The following PIEZO2 variants were observed in gnomAD, a reference collection of about 807,000 sequenced individuals.
PIEZO2 encodes piezo type mechanosensitive ion channel component 2.
In PIEZO2, 172 loss-of-function variants were observed where a neutral mutation model predicts 337.3. That is an observed-to-expected ratio of 0.51 (90% CI 0.45 to 0.58). The LOEUF is 0.58. Among genes scored for constraint, PIEZO2 ranks in the 20% least tolerant of loss-of-function variants. The pLI is 0.00. For missense variants in PIEZO2, 3,028 were observed against 3,391.3 expected, an observed-to-expected ratio of 0.89 and a Z score of 2.66; for synonymous variants, 1,251 against 1,228.5, an observed-to-expected ratio of 1.02 and a Z score of -0.38.
At chr18:10,789,441 A>T in intron 14 of PIEZO2, 76 bp from the exon 15 acceptor site, 1 of 1,408,328 alleles carries the variant, frequency 7.1e-7, no homozygotes, top group Non-Finnish European at 9.3e-7. Context: ...TGATAGGTAT[A>T]GGATGTAGAG....
chr18:10,836,830 C>G (rs572583024), intron 7 of PIEZO2, among the ~76,000 whole-genome samples: 1 of 152,166 alleles, frequency 6.6e-6, no homozygotes, highest in Non-Finnish European at 1.5e-5. Context: ...GAGGTAATAT[C>G]TGCACAGGTT....
At position 10,969,383 on chromosome 18, in the gene PIEZO2, TG is replaced by T. The variant is rs35208501; in HGVS notation, c.286+10151del. ...TTACAGCAAGGACTGGTCGGCATGG[TG>T]GGGAGCAGACGGGCGTGAGGATCAT... On this transcript the variant is annotated intron_variant, in intron 3 of 55. Coordinates refer to ENST00000674853, the MANE Select transcript of PIEZO2 (RefSeq NM_001378183.1). This position sits in a 1 kb window ranked among gnomAD's most constrained non-coding sequence, Gnocchi z 4.5. Among the ~76,000 whole-genome samples the T allele has an allele frequency of 0.15, 23,039 of 151,994 alleles. 1,790 individuals carry two copies. Among genetic ancestry groups the T allele is most frequent in the Middle Eastern group, 0.27 (80 of 292 alleles).
At chr18:10,998,697 T>C (rs1438298400) in intron 2 of PIEZO2, among the ~76,000 whole-genome samples, 1 of 152,056 alleles carries the variant, frequency 6.6e-6, no homozygotes, top group Non-Finnish European at 1.5e-5. Flanking sequence ...TATACACTTA[T>C]ATACTATTTT....
chr18:10,914,640 G>A (rs188562374), intron 3 of PIEZO2, among the ~76,000 whole-genome samples: 71 of 152,208 alleles, frequency 4.7e-4, no homozygotes, highest in African/African-American at 1.6e-3. Context: ...ATTTGTTGGT[G>A]CAGAACCCAT....
intron 2 of PIEZO2, among the ~76,000 whole-genome samples, chr18:11,023,200 C>G (rs531214730): frequency 6.6e-6 from 1 of 152,234 alleles, no homozygotes; most frequent in Admixed American, 6.5e-5. Flanking sequence ...ACTGCTGGCT[C>G]GGGCAGCCTG....
chr18:10,788,420 AAG>A (rs1347046905), intron 15 of PIEZO2, among the ~76,000 whole-genome samples: 45 of 127,952 alleles, frequency 3.5e-4, no homozygotes, highest in African/African-American at 1.1e-3. Flanking sequence ...AAAAAAAAAA[AAG>A]AAAGAAAGGA....
In PIEZO2 at chr18:10,850,567, A is replaced by G. The variant is rs1307388111; in HGVS notation, c.917+4786T>C. 6.6e-6 allele frequency among the ~76,000 whole-genome samples: 1 copy of G among 152,212 alleles called. No homozygotes were observed. The highest frequency in any genetic ancestry group is 1.9e-4 in the East Asian group (1 of 5,196). ...TTCATGAGAACAAAAATGAGAAATCATCTACGTGGTTAAAACTCAGGGGTT... is the reference window on the plus strand; with the variant it reads ...TTCATGAGAACAAAAATGAGAAATCGTCTACGTGGTTAAAACTCAGGGGTT... On this transcript the variant is annotated intron_variant, in intron 7 of 55. Coordinates refer to ENST00000674853, the MANE Select transcript of PIEZO2 (RefSeq NM_001378183.1). This position sits in a 1 kb window ranked among gnomAD's most constrained non-coding sequence, Gnocchi z 4.5.
rs1598402354 is a variant in PIEZO2 at position 10,724,083 on chromosome 18, C to A, written c.5030-5824G>T. On this transcript the variant is annotated intron_variant, in intron 36 of 55. Coordinates refer to ENST00000674853, the MANE Select transcript of PIEZO2 (RefSeq NM_001378183.1). This position sits in a 1 kb window ranked among gnomAD's most constrained non-coding sequence, Gnocchi z 5.8. ...GCTGTGGCTGCACTGTACCACCTCC[C>A]AGATTAAGTGAGTGCTGAGCACAGA... 1.3e-5 allele frequency among the ~76,000 whole-genome samples: 2 copies of A among 152,142 alleles called. No homozygotes were observed. The highest frequency in any genetic ancestry group is 2.9e-5 in the Non-Finnish European group (2 of 68,020).
intron 42 of PIEZO2, among the ~76,000 whole-genome samples, chr18:10,703,876 CTTTACG>C (rs549424561): frequency 0.013 from 1,914 of 151,882 alleles, 42 homozygotes; most frequent in East Asian, 0.096. Flanking sequence ...ACGTATGGAA[CTTTACG>C]TTTACGTTTA....
intron 2 of PIEZO2, among the ~76,000 whole-genome samples, chr18:11,043,243 G>GCACACACA (rs34125787): frequency 2.0e-5 from 3 of 149,224 alleles, no homozygotes; most frequent in African/African-American, 7.5e-5. Context: ...CCCTTTAAAC[G>GCACACACA]CACACACACA....
intron 1 of PIEZO2, among the ~76,000 whole-genome samples, chr18:11,091,693 G>C (rs1260315303): frequency 6.6e-6 from 1 of 152,214 alleles, no homozygotes; most frequent in African/African-American, 2.4e-5. Context: ...CTGGCATACG[G>C]CTTGTCCATC....
chr18:11,024,183 A>G (rs9961026), intron 2 of PIEZO2, among the ~76,000 whole-genome samples: 31,026 of 152,078 alleles, frequency 0.2, 3,530 homozygotes, highest in African/African-American at 0.31. Context: ...GAGGGTGCAC[A>G]CTGTCACCTC....
chr18:11,034,389 A>C (rs9953574), intron 2 of PIEZO2, among the ~76,000 whole-genome samples: 1 of 151,204 alleles, frequency 6.6e-6, no homozygotes, highest in African/African-American at 2.4e-5. Flanking sequence ...TCCGCCTCCC[A>C]GGTTCACGCC....
intron 1 of PIEZO2, among the ~76,000 whole-genome samples, chr18:11,067,038 T>C (rs2038176879): frequency 1.3e-5 from 2 of 151,960 alleles, no homozygotes; most frequent in Non-Finnish European, 2.9e-5. Context: ...AGACAAAAAG[T>C]ACAAAATCGA....
At chr18:10,845,326 T>A (rs944904481) in intron 7 of PIEZO2, among the ~76,000 whole-genome samples, 3 of 152,084 alleles carry the variant, frequency 2.0e-5, no homozygotes, top group African/African-American at 7.2e-5. Context: ...ACAGGATTTA[T>A]TTTTTTGTTT....
At chr18:10,934,441 GA>G (rs1285081967) in intron 3 of PIEZO2, among the ~76,000 whole-genome samples, 1 of 152,138 alleles carries the variant, frequency 6.6e-6, no homozygotes, top group African/African-American at 2.4e-5. Flanking sequence ...AAATTCAGTG[GA>G]AAAGTATGAA....
chr18:10,715,035 A>T lies in PIEZO2; in HGVS notation c.5257-105T>A. 3 of 1,190,016 alleles carry T rather than the reference A, an allele frequency of 2.5e-6. No individual in the cohort carries two copies. The South Asian group carries it at 4.6e-5, about 18-fold the overall frequency. The allele number at this position is 1,190,016 out of a possible 1,614,324, so 73.7% of individuals were successfully genotyped here. Reference sequence around the variant, plus strand: ...GCTTTTCATACCCATGCATGCCTGGATAAGGATTAGGACCATGCTAGGCAA... The same window carrying T: ...GCTTTTCATACCCATGCATGCCTGGTTAAGGATTAGGACCATGCTAGGCAA... On this transcript the variant is annotated intron_variant, in intron 38 of 55. Coordinates refer to ENST00000674853, the MANE Select transcript of PIEZO2 (RefSeq NM_001378183.1).
At chr18:10,733,387 A>T (rs1400259845) in intron 35 of PIEZO2, among the ~76,000 whole-genome samples, 4 of 151,564 alleles carry the variant, frequency 2.6e-5, no homozygotes, top group Admixed American at 2.6e-4. Flanking sequence ...AATGAAGAGG[A>T]GGGGGAAACG....
chr18:10,923,926 C>A (rs1410867485), intron 3 of PIEZO2, among the ~76,000 whole-genome samples: 1 of 152,146 alleles, frequency 6.6e-6, no homozygotes, highest in African/African-American at 2.4e-5. Context: ...AAATGAAGGT[C>A]AACACACTCT....
Sources: allele counts gnomAD v4.1 joint callset (sites outside exome capture counted in the v4.1 genomes callset), GRCh38; gene constraint gnomAD v4.1.1; non-coding constraint Gnocchi (gnomAD v3.1); transcripts MANE v1.5; gene names NCBI Gene and HGNC (gene_info 2026-07-23, HGNC 2026-07-21).